Variants in NCALD observed in about 807,000 individuals in gnomAD.
NCALD encodes neurocalcin delta.
In NCALD, 10 loss-of-function variants were observed where a neutral mutation model predicts 18.6. The ratio of observed to expected loss-of-function variants is 0.54; its 90% CI spans 0.33 to 0.91. The LOEUF is 0.91. Ranked by LOEUF, NCALD falls within the 40% of genes least tolerant of loss-of-function variation. The probability of loss-of-function intolerance (pLI) is 0.03; values close to 1 mark genes in which losing one functional copy is unlikely to be tolerated. For missense variants in NCALD, 184 were observed against 247.6 expected (o/e 0.74, Z 1.72); for synonymous variants, 88 against 87.4 (o/e 1.01, Z -0.04).
chr8:101,780,893 C>T (rs921757300), intron 1 of NCALD, among the ~76,000 whole-genome samples: 1 of 152,110 alleles, frequency 6.6e-6, no homozygotes, highest in African/African-American at 2.4e-5. Flanking sequence ...TAACAAAATA[C>T]CCCTCCTGAT....
rs148813620 is a variant in NCALD, at chr8:101,914,819, T to C, written c.-107+990A>G. ...AGATGCTCCAGGCTCATCTTGTATATTTGCTGCCACAGTCTTAAATCAGTC... is the reference window on the plus strand; with the variant it reads ...AGATGCTCCAGGCTCATCTTGTATACTTGCTGCCACAGTCTTAAATCAGTC... On this transcript the variant is annotated intron_variant, in intron 3 of 6. Transcript: ENST00000311028. 2.0e-4 allele frequency among the ~76,000 whole-genome samples: 30 copies of C among 152,292 alleles called. 1 individual carries two copies. In the East Asian group the frequency reaches 5.2e-3, roughly 26 times the overall value.
At chr8:101,778,010 A>G (rs962306170) in intron 1 of NCALD, among the ~76,000 whole-genome samples, 4 of 152,216 alleles carry the variant, frequency 2.6e-5, no homozygotes, top group Admixed American at 6.5e-5. Context: ...AGTCAAGGCA[A>G]TTAATAAAAA....
intron 3 of NCALD, among the ~76,000 whole-genome samples, chr8:101,890,871 T>C (rs915201416): frequency 8.5e-5 from 13 of 152,248 alleles, no homozygotes; most frequent in African/African-American, 2.9e-4. Context: ...TTTTTCGACA[T>C]AGCAAAAAGC....
At chr8:102,120,946 T>C (rs182892219) in intron 1 of NCALD, among the ~76,000 whole-genome samples, 10 of 152,338 alleles carry the variant, frequency 6.6e-5, no homozygotes, top group Admixed American at 6.5e-4. Context: ...TGATATTCTC[T>C]AGGATAGGAA....
chr8:102,061,512 G>A (rs1055266725), intron 1 of NCALD, among the ~76,000 whole-genome samples: 11 of 152,136 alleles, frequency 7.2e-5, no homozygotes, highest in Admixed American at 7.2e-4. Context: ...AGTTAAATCT[G>A]AAATGGGCTT....
chr8:101,817,721 G>A (rs1233556265), intron 4 of NCALD, among the ~76,000 whole-genome samples: 2 of 152,178 alleles, frequency 1.3e-5, no homozygotes, highest in Admixed American at 1.3e-4. Flanking sequence ...CAGCCTGAAA[G>A]ATGCATTGTT....
rs1246747574 is a variant in NCALD at position 102,044,128 on chromosome 8, TTGAAACA to T, written c.-209-23846_-209-23840del. Among the ~76,000 whole-genome samples, 3 of 152,060 alleles carry T rather than the reference TTGAAACA, an allele frequency of 2.0e-5. No individual in the cohort carries two copies. In the East Asian group the frequency reaches 5.8e-4, roughly 29 times the overall value. On this transcript the variant is annotated intron_variant, in intron 1 of 6. Transcript: ENST00000311028. ...TAAGCAGAATATGTTAAAACAACAC[TTGAAACA>T]TTACTACATGTATTATTTTTAAAAA...
intron 1 of NCALD, among the ~76,000 whole-genome samples, chr8:101,754,213 A>G (rs1016748702): frequency 2.0e-5 from 3 of 152,158 alleles, no homozygotes; most frequent in Non-Finnish European, 2.9e-5. Context: ...AATTTTAGCT[A>G]TCATTTAGCT....
intron 3 of NCALD, among the ~76,000 whole-genome samples, chr8:101,908,251 T>C (rs1416377778): frequency 6.6e-6 from 1 of 152,192 alleles, no homozygotes; most frequent in African/African-American, 2.4e-5. Flanking sequence ...AATAATCCAT[T>C]CCAATCTGCC....
At chr8:101,729,621 G>T (rs972027146) in intron 1 of NCALD, among the ~76,000 whole-genome samples, 1 of 152,008 alleles carries the variant, frequency 6.6e-6, no homozygotes, top group African/African-American at 2.4e-5. Context: ...GAACTGAAAT[G>T]GTACAAAAAA....
chr8:101,989,033 T>C (rs1288686946), intron 2 of NCALD, among the ~76,000 whole-genome samples: 6 of 151,974 alleles, frequency 3.9e-5, no homozygotes, highest in African/African-American at 1.5e-4. Flanking sequence ...GTTTTAAGAA[T>C]GTCCATTAGA....
In NCALD at chr8:102,078,204, T is replaced by C. The variant is rs960657725; in HGVS notation, c.-210+46033A>G. Among the ~76,000 whole-genome samples, 6 of 152,180 alleles carry C rather than the reference T, an allele frequency of 3.9e-5. No individual in the cohort carries two copies. The East Asian group carries it at 1.2e-3, about 29-fold the overall frequency. ...TTTATCTCTTCTTTTTATCACACCA[T>C]GCCCAACTCACCTACAAATCCTGCA... On this transcript the variant is annotated intron_variant, in intron 1 of 6. Coordinates refer to the NCALD transcript ENST00000311028.
At chr8:101,725,469 C>G (rs1816532258) in intron 1 of NCALD, among the ~76,000 whole-genome samples, 1 of 152,192 alleles carries the variant, frequency 6.6e-6, no homozygotes, top group African/African-American at 2.4e-5. Context: ...TATCACCTTT[C>G]AAACTGTTCA....
chr8:101,768,723 C>CAAAAAAAA (rs71268528), intron 1 of NCALD, among the ~76,000 whole-genome samples: 10 of 136,840 alleles, frequency 7.3e-5, no homozygotes, highest in Admixed American at 1.5e-4. Flanking sequence ...AACAAAAAAA[C>CAAAAAAAA]AAAAAAAAAA....
At chr8:101,966,369 A>T (rs1285477109) in intron 2 of NCALD, among the ~76,000 whole-genome samples, 1 of 151,968 alleles carries the variant, frequency 6.6e-6, no homozygotes, top group African/African-American at 2.4e-5. Context: ...TTCTCAGCAA[A>T]CTATCGCAGG....
At chr8:101,932,458 C>T (rs1386932035) in intron 2 of NCALD, among the ~76,000 whole-genome samples, 1 of 152,154 alleles carries the variant, frequency 6.6e-6, no homozygotes, top group African/African-American at 2.4e-5. Flanking sequence ...CCTTTCCATT[C>T]CCCCTGCCTG....
chr8:102,032,621 C>CAAAAAA (rs1426298850), intron 1 of NCALD, among the ~76,000 whole-genome samples: 1 of 24,082 alleles, frequency 4.2e-5, no homozygotes, highest in South Asian at 4.0e-3. Context: ...AGAAAAACTG[C>CAAAAAA]TAAAAAAAAA....
At chr8:101,756,396 AC>A (rs746268319) in intron 1 of NCALD, among the ~76,000 whole-genome samples, 2 of 152,160 alleles carry the variant, frequency 1.3e-5, no homozygotes, top group African/African-American at 2.4e-5. Flanking sequence ...GGTCAGCACG[AC>A]CAGCTAGGAT....
At chr8:101,908,532 T>C (rs1817686460) in intron 3 of NCALD, among the ~76,000 whole-genome samples, 1 of 152,216 alleles carries the variant, frequency 6.6e-6, no homozygotes, top group Non-Finnish European at 1.5e-5. Context: ...TATGTTCACA[T>C]CCTTGTACTA....
Sources: gnomAD v4.1 joint callset for allele counts (sites outside exome capture counted in the v4.1 genomes callset) on GRCh38, gnomAD v4.1.1 for gene constraint, MANE v1.5 for transcripts, NCBI Gene and HGNC (gene_info 2026-07-23, HGNC 2026-07-21) for gene names.